The following MAML3 variants were observed in gnomAD, a reference collection of about 807,000 sequenced individuals.
MAML3 encodes the protein mastermind-like protein 3.
Under a neutral mutation model 101.9 loss-of-function variants are expected in MAML3, and 27 were observed. The ratio of observed to expected loss-of-function variants is 0.27; its 90% CI spans 0.20 to 0.37. The LOEUF (loss-of-function observed/expected upper bound fraction) is 0.37. Ranked by LOEUF, MAML3 falls within the 10% of genes least tolerant of loss-of-function variation. MAML3 has a pLI of 1.00. For synonymous variants in MAML3, 501 were observed against 555.9 expected (o/e 0.90, Z 1.39); for missense variants, 1,316 against 1,444.9 (o/e 0.91, Z 1.45).
chr4:139,875,055 G>A (rs1041732556), intron 2 of MAML3, among the ~76,000 whole-genome samples: 1 of 151,938 alleles, frequency 6.6e-6, no homozygotes, highest in South Asian at 2.1e-4. Context: ...TGCCCACCTC[G>A]GCCTCCCAAA....
At chr4:140,006,605 T>TAAAAAAA (rs1726452083) in intron 1 of MAML3, among the ~76,000 whole-genome samples, 1 of 89,824 alleles carries the variant, frequency 1.1e-5, no homozygotes, top group Admixed American at 1.2e-4. Flanking sequence ...AAAAAAAAAG[T>TAAAAAAA]GAAAAAGTGA....
intron 2 of MAML3, among the ~76,000 whole-genome samples, chr4:139,803,114 A>G (rs181936940): frequency 8.5e-4 from 130 of 152,258 alleles, no homozygotes; most frequent in African/African-American, 2.9e-3. Flanking sequence ...GACCAATTTA[A>G]AATGCAGTGA....
At chr4:139,775,609 T>C (rs765462484) in intron 2 of MAML3, among the ~76,000 whole-genome samples, 4 of 151,862 alleles carry the variant, frequency 2.6e-5, no homozygotes, top group South Asian at 2.1e-4. Flanking sequence ...GAAAGGAAAA[T>C]AGGGGGCAGT....
intron 2 of MAML3, among the ~76,000 whole-genome samples, chr4:139,858,047 C>T (rs949056161): frequency 6.6e-6 from 1 of 152,192 alleles, no homozygotes; most frequent in African/African-American, 2.4e-5. Context: ...GGAAAGAGTA[C>T]TCGCTTCATT....
intron 2 of MAML3, among the ~76,000 whole-genome samples, chr4:139,826,005 C>G (rs368490715): frequency 1.6e-4 from 24 of 152,196 alleles, no homozygotes; most frequent in African/African-American, 5.1e-4. Context: ...TGTTTCTTGT[C>G]GGCTTTTCCA....
intron 2 of MAML3, among the ~76,000 whole-genome samples, chr4:139,863,150 CAAA>C (rs34108210): frequency 0.023 from 2,658 of 114,076 alleles, 33 homozygotes; most frequent in African/African-American, 0.054. Flanking sequence ...ACTCTGTCTC[CAAA>C]AAAAAAAAAA....
chr4:140,074,262 A>AAAGG (rs1727730089), intron 1 of MAML3, among the ~76,000 whole-genome samples: 1 of 151,218 alleles, frequency 6.6e-6, no homozygotes, highest in African/African-American at 2.4e-5. Context: ...AGAAAGAAAG[A>AAAGG]GGACATGTGT....
chr4:139,880,946 G>A (rs2111187422), intron 2 of MAML3, among the ~76,000 whole-genome samples: 1 of 152,272 alleles, frequency 6.6e-6, no homozygotes, highest in Middle Eastern at 3.4e-3. Context: ...TAGGAATTGA[G>A]GGGTGTCAAC....
At chr4:139,918,112 C>T (rs1733059359) in intron 1 of MAML3, among the ~76,000 whole-genome samples, 1 of 152,162 alleles carries the variant, frequency 6.6e-6, no homozygotes, top group Non-Finnish European at 1.5e-5. Flanking sequence ...CTGCTCCCTG[C>T]CTGGACTCTT....
chr4:140,093,950 C>G (rs1728107110), intron 1 of MAML3, among the ~76,000 whole-genome samples: 1 of 152,194 alleles, frequency 6.6e-6, no homozygotes, highest in Admixed American at 6.5e-5. Context: ...CCTGACATTC[C>G]ATCCTTTGGA....
At chr4:140,010,714 G>C (rs926763605) in intron 1 of MAML3, among the ~76,000 whole-genome samples, 2 of 152,032 alleles carry the variant, frequency 1.3e-5, no homozygotes, top group African/African-American at 4.8e-5. Context: ...CAAAAAAAAT[G>C]CCAAAATATT....
chr4:139,774,710 T>G (rs1261613737), intron 2 of MAML3, among the ~76,000 whole-genome samples: 1 of 152,120 alleles, frequency 6.6e-6, no homozygotes, highest in Non-Finnish European at 1.5e-5. Flanking sequence ...TAATAGAAGA[T>G]TTATGATAGT....
At chr4:140,112,425 TC>T (rs1160051220) in intron 1 of MAML3, among the ~76,000 whole-genome samples, 1 of 152,198 alleles carries the variant, frequency 6.6e-6, no homozygotes, top group Non-Finnish European at 1.5e-5. Flanking sequence ...AAAATAAGCA[TC>T]AATCTGTTCA....
At chr4:139,924,409 AT>A (rs1215809694) in intron 1 of MAML3, among the ~76,000 whole-genome samples, 1 of 152,182 alleles carries the variant, frequency 6.6e-6, no homozygotes, top group African/African-American at 2.4e-5. Context: ...TATCTCTGAA[AT>A]CTTTACCTTT....
At chr4:140,119,318 G>A (rs778315764) in intron 1 of MAML3, among the ~76,000 whole-genome samples, 1 of 152,050 alleles carries the variant, frequency 6.6e-6, no homozygotes, top group East Asian at 1.9e-4. Context: ...CTCACTTCAG[G>A]AGGCATGAAA....
intron 1 of MAML3, among the ~76,000 whole-genome samples, chr4:139,935,818 G>A (rs192883487): frequency 5.3e-5 from 8 of 152,086 alleles, no homozygotes; most frequent in African/African-American, 1.4e-4. Flanking sequence ...TGTATACATG[G>A]CAAAATAATT....
chr4:139,898,259 C>T (rs10024961), intron 1 of MAML3, among the ~76,000 whole-genome samples: 4,192 of 152,256 alleles, frequency 0.028, 166 homozygotes, highest in African/African-American at 0.094. Context: ...TCAGAATAAA[C>T]GTATAATTTC....
intron 2 of MAML3, among the ~76,000 whole-genome samples, chr4:139,884,138 C>A (rs775090112): frequency 1.3e-5 from 2 of 152,106 alleles, no homozygotes; most frequent in Non-Finnish European, 2.9e-5. Flanking sequence ...CCCGACTCGG[C>A]CTCCTAAAGT....
chr4:140,140,927 A>G (rs1728970454), intron 1 of MAML3, among the ~76,000 whole-genome samples: 1 of 152,236 alleles, frequency 6.6e-6, no homozygotes, highest in South Asian at 2.1e-4. Context: ...GGCAAGAACC[A>G]GCACTACCAT....
Sources: allele counts gnomAD v4.1 joint callset (sites outside exome capture counted in the v4.1 genomes callset), GRCh38; gene constraint gnomAD v4.1.1; transcripts MANE v1.5; gene names NCBI Gene and HGNC (gene_info 2026-07-23, HGNC 2026-07-21).